EPG5: variants seen among roughly 807,000 people sequenced by gnomAD.
EPG5 encodes ectopic P granules protein 5 homolog.
A neutral mutation model predicts 302.7 loss-of-function variants in EPG5; 159 were observed. The ratio of observed to expected loss-of-function variants is 0.53; its 90% CI spans 0.46 to 0.60. EPG5 has a LOEUF of 0.60. Among genes scored for constraint, EPG5 ranks in the 20% least tolerant of loss-of-function variants. The probability of loss-of-function intolerance (pLI) is 0.00; values close to 1 mark genes in which losing one functional copy is unlikely to be tolerated. For synonymous variants in EPG5, 1,158 were observed against 1,136.8 expected (o/e 1.02, Z -0.37); for missense variants, 2,896 against 3,092.4 (o/e 0.94, Z 1.51).
intron 17 of EPG5, 192 bp from the exon 18 acceptor site, chr18:45,916,774 C>A: frequency 2.0e-6 from 1 of 511,376 alleles, no homozygotes. Flanking sequence ...TATCTACCCA[C>A]AGAGGTATTA....
intron 29 of EPG5, among the ~76,000 whole-genome samples, chr18:45,886,821 G>T (rs988560297): frequency 2.0e-5 from 3 of 152,066 alleles, no homozygotes; most frequent in African/African-American, 7.2e-5. Context: ...ACCACACCCA[G>T]CTAATTTTGT....
the EPG5 span, among the ~76,000 whole-genome samples, chr18:45,817,243 C>A: frequency 6.6e-6 from 1 of 152,080 alleles, no homozygotes; most frequent in Non-Finnish European, 1.5e-5. Context: ...CCAAACACCA[C>A]CTGTTCCCCA....
rs1363843098 is a variant in EPG5, at chr18:45,860,330, G to C, written c.6783C>G (p.Thr2261=). 1 of 1,614,246 alleles carries C rather than the reference G, an allele frequency of 6.2e-7. No individual in the cohort carries two copies. The highest frequency in any genetic ancestry group is 2.2e-5 in the East Asian group (1 of 44,886). The change falls in exon 40 of 44, where the codon ACC becomes ACG. Residue 2261 remains threonine (T), a synonymous_variant. Transcript: ENST00000282041. ...VFNPPDMDSQ[T]RHMALSSLFM... is the part of the protein sequence containing the mutation. ...AGAGGCTGCTGAGGGCCATGTGGCG[G>C]GTCTGGCTGTCCATGTCTGAAAGGA...
At position 45,916,532 on chromosome 18, in the gene EPG5, T is replaced by G. The variant is rs2050037322; in HGVS notation, c.3290A>C (p.Gln1097Pro). 6.2e-7 allele frequency: 1 copy of G among 1,612,678 alleles called. No individual in the cohort carries two copies. Among genetic ancestry groups the G allele is most frequent in the Non-Finnish European group, 8.5e-7 (1 of 1,178,892 alleles). The change falls in exon 18 of 44, where the codon CAG (glutamine) becomes CCG (proline). Residue 1097 changes from glutamine (Q) to proline (P), a missense_variant. Physicochemically the swap from Gln to Pro is moderately conservative, Grantham distance 76 (BLOSUM62 -1). This residue lies in a region of EPG5 where 1,390 missense variants were observed against 1,430.0 expected (regional missense o/e 0.97). Coordinates refer to ENST00000282041, the MANE Select transcript of EPG5 (RefSeq NM_020964.3). ...LFLHLDSGVP[Q>P]GVTQQVTHKV... Reference sequence around the variant, plus strand: ...GTGGGTGACCTGTTGTGTGACACCCTGAGGGACACCGCTGTCCAAGTGTAG... The same window carrying G: ...GTGGGTGACCTGTTGTGTGACACCCGGAGGGACACCGCTGTCCAAGTGTAG...
chr18:45,833,993 G>A, the EPG5 span, among the ~76,000 whole-genome samples: 1 of 152,182 alleles, frequency 6.6e-6, no homozygotes, highest in African/African-American at 2.4e-5. Flanking sequence ...ACTCCGCAGA[G>A]CACTGTGTGC....
intron 15 of EPG5, 67 bp from the exon 16 acceptor site, chr18:45,922,667 C>T: frequency 1.9e-6 from 3 of 1,555,620 alleles, no homozygotes; most frequent in Non-Finnish European, 2.6e-6. Flanking sequence ...CTCATACACT[C>T]ATCTCCTTTT....
chr18:45,935,184 A>G (rs1568169169), intron 10 of EPG5, among the ~76,000 whole-genome samples: 1 of 152,144 alleles, frequency 6.6e-6, no homozygotes, highest in Admixed American at 6.5e-5. Flanking sequence ...CAATGTGTGC[A>G]TGTGTGTGTG....
Position 45,946,650 on chromosome 18 carries a change from T to G in EPG5, c.1677+13A>C. The G allele has an allele frequency of 1.9e-6, 3 of 1,589,166 alleles. No individual in the cohort carries two copies. The South Asian group carries it at 3.3e-5, about 18-fold the overall frequency. ...CAATGATTCATCAAAATAATGCAGA[T>G]ATGACAAGTTACCTCTTCTCCTCCT... is the stretch of plus-strand genomic sequence containing the variant. On this transcript the variant is annotated intron_variant, in intron 7 of 43. Transcript: ENST00000282041.
the EPG5 span, among the ~76,000 whole-genome samples, chr18:45,801,778 G>T: frequency 6.6e-6 from 1 of 152,160 alleles, no homozygotes; most frequent in African/African-American, 2.4e-5. Flanking sequence ...GAAGGTCACT[G>T]TGTGCAGCTG....
chr18:45,868,339 CTTT>C (rs370701330), intron 36 of EPG5, among the ~76,000 whole-genome samples: 9 of 138,130 alleles, frequency 6.5e-5, no homozygotes, highest in Admixed American at 1.4e-4. Flanking sequence ...TTCCTTTTTC[CTTT>C]TTTTTTTTTT....
chr18:45,921,847 G>A (rs1483734625), intron 16 of EPG5, among the ~76,000 whole-genome samples: 1 of 151,314 alleles, frequency 6.6e-6, no homozygotes, highest in East Asian at 2.0e-4. Flanking sequence ...AGCATTAGGA[G>A]AAATACCTAA....
intron 36 of EPG5, among the ~76,000 whole-genome samples, chr18:45,869,024 C>T (rs1422092363): frequency 6.8e-6 from 1 of 146,954 alleles, no homozygotes; most frequent in Non-Finnish European, 1.5e-5. Flanking sequence ...CACTGCACTC[C>T]AGCCTGGGTG....
chr18:45,865,864 G>T, intron 38 of EPG5, 105 bp from the exon 39 acceptor site: 3 of 1,296,368 alleles, frequency 2.3e-6, no homozygotes, highest in Non-Finnish European at 3.2e-6. Context: ...TGGGTAGGGA[G>T]TAGAGGGGAC....
In EPG5 at chr18:45,887,816, C is replaced by T. The variant is rs745726464; in HGVS notation, c.5044G>A (p.Asp1682Asn). ...GTTGGGGGATGACGCTGCGTCTCAT[C>T]GCTGACGTAATCCACAATAGTAAAG... ...LFFTIVDYVS[D>N]ETQRHPPTRQ... Residue 1682 changes from aspartate to asparagine, a missense_variant, in exon 29 of 44, where the codon GAT becomes AAT. Asp to Asn is a conservative substitution (Grantham distance 23). This residue lies in a region of EPG5 where 790 missense variants were observed against 798.0 expected (regional missense o/e 0.99). Coordinates refer to ENST00000282041, the MANE Select transcript of EPG5 (RefSeq NM_020964.3). 7 of 1,604,422 alleles carry T rather than the reference C, an allele frequency of 4.4e-6. No individual in the cohort carries two copies. The South Asian group carries it at 4.4e-5, about 10-fold the overall frequency.
At chr18:45,896,023 T>C (rs1376604283) in intron 27 of EPG5, among the ~76,000 whole-genome samples, 6 of 152,184 alleles carry the variant, frequency 3.9e-5, no homozygotes. Flanking sequence ...TCATAGCAGG[T>C]AGAGTTTCAG....
rs540486432 is a variant in EPG5, at chr18:45,919,653, C to T, written c.3099-1834G>A. On this transcript the variant is annotated intron_variant, in intron 16 of 43. Coordinates refer to ENST00000282041, the MANE Select transcript of EPG5 (RefSeq NM_020964.3). ...TCAGCCTCCCGAGTAGCTGGGACTA[C>T]AGGCGCCCGCCACCACGCCCGGCTA... Among the ~76,000 whole-genome samples, 772 of 152,070 alleles carry T rather than the reference C, an allele frequency of 5.1e-3. 10 individuals carry two copies. Among genetic ancestry groups the T allele is most frequent in the African/African-American group, 0.016 (676 of 41,470 alleles).
the EPG5 span, among the ~76,000 whole-genome samples, chr18:45,814,890 C>A: frequency 6.6e-6 from 1 of 152,210 alleles, no homozygotes; most frequent in Non-Finnish European, 1.5e-5. Flanking sequence ...ACCCCCACAG[C>A]TTTGACCCAG....
At position 45,908,011 on chromosome 18, in the gene EPG5, G is replaced by C. The variant is rs369111537; in HGVS notation, c.4276C>G (p.Leu1426Val). 5 of 1,600,994 alleles carry C rather than the reference G, an allele frequency of 3.1e-6. No individual in the cohort carries two copies. Among genetic ancestry groups the C allele is most frequent in the Non-Finnish European group, 4.3e-6 (5 of 1,176,088 alleles). ...CTGTGAATATCATAATGCTTTGGTA[G>C]AGAAGGGATATAGGTATCTCCTTTT... ...FQKGDTYIPSLPKHYDIHRLA... is the reference protein window; with the variant it reads ...FQKGDTYIPSVPKHYDIHRLA... Residue 1426 changes from leucine (L) to valine (V), a missense_variant, in exon 24 of 44, where the codon CTA (leucine) becomes GTA (valine). Leu to Val is a conservative substitution (Grantham distance 32). This residue lies in a region of EPG5 where 790 missense variants were observed against 798.0 expected (regional missense o/e 0.99). Coordinates refer to ENST00000282041, the MANE Select transcript of EPG5 (RefSeq NM_020964.3).
chr18:45,910,534 T>C lies in EPG5; in HGVS notation c.4192A>G (p.Lys1398Glu). The C allele has an allele frequency of 6.2e-7, 1 of 1,608,538 alleles. No individual in the cohort carries two copies. Among genetic ancestry groups the C allele is most frequent in the Non-Finnish European group, 8.5e-7 (1 of 1,177,668 alleles). ...PGYLTSPELH[K>E]ELVRLFNVYI... is the part of the protein sequence containing the mutation. ...AACCATACTCACCTCACCAGCTCCTTGTGCAGTTCTGGTGAAGTCAGGTAA... is the reference window on the plus strand; with the variant it reads ...AACCATACTCACCTCACCAGCTCCTCGTGCAGTTCTGGTGAAGTCAGGTAA... Residue 1398 changes from lysine to glutamate, a missense_variant, in exon 23 of 44, where the codon AAG (lysine) becomes GAG (glutamate). Coordinates refer to ENST00000282041, the MANE Select transcript of EPG5 (RefSeq NM_020964.3).
Sources: allele counts gnomAD v4.1 joint callset (sites outside exome capture counted in the v4.1 genomes callset), GRCh38; gene constraint gnomAD v4.1.1; regional missense constraint gnomAD v4.1.1; transcripts MANE v1.5; gene names NCBI Gene and HGNC (gene_info 2026-07-23, HGNC 2026-07-21).